THSD4: variants seen among roughly 807,000 people sequenced by gnomAD.
The protein encoded by THSD4 is thrombospondin type-1 domain-containing protein 4.
THSD4 carries 69 observed loss-of-function variants against 119.0 expected under a neutral mutation model. That is an observed-to-expected ratio of 0.58 (90% confidence interval 0.48 to 0.71). The LOEUF (loss-of-function observed/expected upper bound fraction) is 0.71. Among genes scored for constraint, THSD4 ranks in the 30% least tolerant of loss-of-function variants. THSD4 has a pLI of 0.00. For synonymous variants in THSD4, 524 were observed against 540.4 expected (o/e 0.97, Z 0.42); for missense variants, 1,393 against 1,391.1 (o/e 1.00, Z -0.02).
chr15:71,513,512 T>A (rs2048312274), intron 7 of THSD4, among the ~76,000 whole-genome samples: 1 of 152,166 alleles, frequency 6.6e-6, no homozygotes, highest in Admixed American at 6.5e-5. Context: ...GTGGTCAACA[T>A]CATAAATCAT....
intron 7 of THSD4, among the ~76,000 whole-genome samples, chr15:71,653,560 A>G (rs2051133294): frequency 2.0e-5 from 3 of 152,204 alleles, no homozygotes; most frequent in South Asian, 4.1e-4. Flanking sequence ...GGCAACCCCC[A>G]TAAGAAAGAC....
At chr15:71,461,320 G>C (rs2047425694) in intron 7 of THSD4, among the ~76,000 whole-genome samples, 1 of 152,222 alleles carries the variant, frequency 6.6e-6, no homozygotes, top group Non-Finnish European at 1.5e-5. Flanking sequence ...GGTGATCTAA[G>C]AAAGTGCGAG....
intron 6 of THSD4, among the ~76,000 whole-genome samples, chr15:71,282,966 A>ATT (rs573742429): frequency 5.3e-4 from 69 of 130,988 alleles, no homozygotes; most frequent in Non-Finnish European, 6.0e-4. Context: ...GGCAGGTTAG[A>ATT]TTTTTTTTTT....
At chr15:71,641,880 T>G (rs1280927368) in intron 7 of THSD4, among the ~76,000 whole-genome samples, 1 of 152,192 alleles carries the variant, frequency 6.6e-6, no homozygotes, top group Non-Finnish European at 1.5e-5. Flanking sequence ...GTAATTTAAC[T>G]TTTGAGCTAG....
chr15:71,161,975 G>A (rs1404854402), intron 3 of THSD4, among the ~76,000 whole-genome samples: 2 of 152,022 alleles, frequency 1.3e-5, no homozygotes, highest in East Asian at 3.9e-4. Context: ...ACTATTTCAA[G>A]CTGAAAACAA....
At position 71,253,777 on chromosome 15, in the gene THSD4, A is replaced by T. The variant is rs533919921; in HGVS notation, c.913-2836A>T. Among the ~76,000 whole-genome samples the T allele has an allele frequency of 2.0e-5, 3 of 152,308 alleles. No homozygotes were observed. In the South Asian group the frequency reaches 6.2e-4, roughly 32 times the overall value. On this transcript the variant is annotated intron_variant, in intron 5 of 17. Coordinates refer to ENST00000261862, the MANE Select transcript of THSD4 (RefSeq NM_024817.3). ...AAAATTAAATAACACAAATAGACTA[A>T]AGATTAATTATAAATTAAAAACATC...
chr15:71,642,700 A>G (rs1035809399), intron 7 of THSD4, among the ~76,000 whole-genome samples: 1 of 152,138 alleles, frequency 6.6e-6, no homozygotes, highest in African/African-American at 2.4e-5. Context: ...TATCGCAAGA[A>G]CAAAAAACCA....
intron 4 of THSD4, among the ~76,000 whole-genome samples, chr15:71,237,491 A>G (rs1224401886): frequency 6.6e-6 from 1 of 152,112 alleles, no homozygotes; most frequent in East Asian, 1.9e-4. Context: ...GAGTGTGTTG[A>G]CTTCGAAGTG....
chr15:71,548,131 T>C (rs2140852756), intron 7 of THSD4, among the ~76,000 whole-genome samples: 1 of 150,980 alleles, frequency 6.6e-6, no homozygotes, highest in South Asian at 2.1e-4. Flanking sequence ...TGATACCTCC[T>C]GGAGTCAGTT....
At position 71,421,234 on chromosome 15, in the gene THSD4, T is replaced by C. The variant is rs2046803051; in HGVS notation, c.1152+9411T>C. On this transcript the variant is annotated intron_variant, in intron 7 of 17. Coordinates refer to ENST00000261862, the MANE Select transcript of THSD4 (RefSeq NM_024817.3). ...ATTAGTGTATAATATTCTGTGTTTT[T>C]CTGTGTACTTACTATTACCAGTGAG... 2.0e-5 allele frequency among the ~76,000 whole-genome samples: 2 copies of C among 100,702 alleles called. 1 individual carries two copies. The highest frequency in any genetic ancestry group is 4.3e-5 in the Non-Finnish European group (2 of 46,792). 66.1% of individuals were successfully genotyped at this position (100,702 alleles called of 152,430 possible).
chr15:71,243,658 A>G (rs955108851), intron 5 of THSD4, among the ~76,000 whole-genome samples: 14 of 152,170 alleles, frequency 9.2e-5, no homozygotes, highest in Non-Finnish European at 2.1e-4. Flanking sequence ...GTACTCATGC[A>G]TATATATACA....
intron 1 of THSD4, among the ~76,000 whole-genome samples, chr15:71,100,428 T>A (rs1345087237): frequency 1.3e-5 from 2 of 152,162 alleles, no homozygotes; most frequent in African/African-American, 2.4e-5. Context: ...TCTGAACAAC[T>A]GTGCTTGCAA....
At chr15:71,507,885 A>G (rs979091016) in intron 7 of THSD4, among the ~76,000 whole-genome samples, 1 of 152,246 alleles carries the variant, frequency 6.6e-6, no homozygotes, top group African/African-American at 2.4e-5. Flanking sequence ...TCAACTGAGC[A>G]AATTAACCAC....
chr15:71,141,178 C>T (rs974451974), intron 1 of THSD4, among the ~76,000 whole-genome samples: 1 of 152,238 alleles, frequency 6.6e-6, no homozygotes, highest in African/African-American at 2.4e-5. Context: ...CTAGCACCAG[C>T]TCCCCTGTTA....
At chr15:71,477,374 G>T (rs973870944) in intron 7 of THSD4, among the ~76,000 whole-genome samples, 1 of 152,158 alleles carries the variant, frequency 6.6e-6, no homozygotes, top group Non-Finnish European at 1.5e-5. Flanking sequence ...GAGTCCAGAG[G>T]TAGAGGAAGT....
At chr15:71,616,157 C>G (rs1340172406) in intron 7 of THSD4, among the ~76,000 whole-genome samples, 1 of 151,590 alleles carries the variant, frequency 6.6e-6, no homozygotes, top group African/African-American at 2.4e-5. Flanking sequence ...GATGGCAGTT[C>G]CTTAAAAAAA....
chr15:71,417,701 G>C (rs994245905), intron 7 of THSD4, among the ~76,000 whole-genome samples: 2 of 108,014 alleles, frequency 1.9e-5, no homozygotes, highest in African/African-American at 6.3e-5. Flanking sequence ...TTTTGCTCAG[G>C]ATTGCTTTGG....
intron 7 of THSD4, among the ~76,000 whole-genome samples, chr15:71,553,158 T>A (rs2048958543): frequency 6.6e-6 from 1 of 152,218 alleles, no homozygotes; most frequent in Non-Finnish European, 1.5e-5. Context: ...TGGGTTTATG[T>A]GCATATGTGT....
At chr15:71,731,349 C>A in intron 10 of THSD4, 132 bp downstream of exon 10, 1 of 833,002 alleles carries the variant, frequency 1.2e-6, no homozygotes, top group Non-Finnish European at 1.9e-6. Flanking sequence ...TATTTCAAAG[C>A]CAAGGGGCCT....
Sources: gnomAD v4.1 joint callset for allele counts (sites outside exome capture counted in the v4.1 genomes callset) on GRCh38, gnomAD v4.1.1 for gene constraint, MANE v1.5 for transcripts, NCBI Gene and HGNC (gene_info 2026-07-23, HGNC 2026-07-21) for gene names.